SH3BP5: variants seen among roughly 807,000 people sequenced by gnomAD.
SH3BP5 encodes the protein SH3 domain binding protein 5.
SH3BP5 carries 22 observed loss-of-function variants against 43.3 expected under a neutral mutation model. That is an observed-to-expected ratio of 0.51 (90% CI 0.36 to 0.73). The LOEUF (loss-of-function observed/expected upper bound fraction) is 0.73. Ranked by LOEUF, SH3BP5 falls within the 30% of genes least tolerant of loss-of-function variation. The pLI is 0.00. For synonymous variants in SH3BP5, 255 were observed against 225.8 expected, an observed-to-expected ratio of 1.13 and a Z score of -1.16; for missense variants, 529 against 586.9, an observed-to-expected ratio of 0.90 and a Z score of 1.02.
intron 3 of SH3BP5, among the ~76,000 whole-genome samples, chr3:15,298,353 C>A (rs1697634969): frequency 6.6e-6 from 1 of 152,218 alleles, no homozygotes; most frequent in Admixed American, 6.5e-5. Flanking sequence ...GGTGAGCCTA[C>A]AAGTCACTCT....
chr3:15,265,499 G>C (rs1696601178), intron 4 of SH3BP5, among the ~76,000 whole-genome samples: 1 of 101,556 alleles, frequency 9.8e-6, no homozygotes, highest in Non-Finnish European at 1.9e-5. Context: ...CTGAGCTACA[G>C]GGCGAGACTC....
intron 4 of SH3BP5, among the ~76,000 whole-genome samples, chr3:15,262,524 G>A (rs542885266): frequency 6.6e-6 from 1 of 152,268 alleles, no homozygotes; most frequent in East Asian, 1.9e-4. Context: ...GGGCCTGGTG[G>A]TGTGCTCCTG....
chr3:15,332,567 C>A lies in SH3BP5; in HGVS notation c.-159G>T. 1.6e-6 allele frequency: 2 copies of A among 1,227,874 alleles called. No individual in the cohort carries two copies. The highest frequency in any genetic ancestry group is 1.6e-5 in the African/African-American group (1 of 63,330). The allele number at this position is 1,227,874 out of a possible 1,614,324, so 76.1% of individuals were successfully genotyped here. On this transcript the variant is annotated 5_prime_UTR_variant, in exon 1 of 9. Coordinates refer to ENST00000383791, the MANE Select transcript of SH3BP5 (RefSeq NM_004844.5). ...ACGCAGCTCGCCGATGCGGATACCT[C>A]CGGCCGCGGCGGAGCAGAGGAAATG...
chr3:15,280,381 G>GA (rs1697090180), intron 3 of SH3BP5, among the ~76,000 whole-genome samples: 1 of 151,900 alleles, frequency 6.6e-6, no homozygotes, highest in East Asian at 1.9e-4. Flanking sequence ...TACCCAAAAG[G>GA]AAAAAAACCC....
At position 15,258,356 on chromosome 3, in the gene SH3BP5, CAG is replaced by C. The variant is rs553370073; in HGVS notation, c.889+473_889+474del. 1.9e-3 allele frequency among the ~76,000 whole-genome samples: 291 copies of C among 152,158 alleles called. 4 individuals are homozygous for C. Among genetic ancestry groups the C allele is most frequent in the Non-Finnish European group, 1.2e-3 (83 of 67,994 alleles). On this transcript the variant is annotated intron_variant, in intron 7 of 8. Transcript: ENST00000383791. Reference sequence around the variant, plus strand: ...CATTTGCTGAGTGCTTCTTGGGTGTCAGGGGTTGATTCATGTAAGCTGAACCA... The same window carrying C: ...CATTTGCTGAGTGCTTCTTGGGTGTCGGGTTGATTCATGTAAGCTGAACCA...
chr3:15,326,884 G>C (rs1698476024), intron 2 of SH3BP5, among the ~76,000 whole-genome samples: 1 of 152,170 alleles, frequency 6.6e-6, no homozygotes, highest in Non-Finnish European at 1.5e-5. Flanking sequence ...GAGTGGCCCT[G>C]AGTTCAATGC....
At chr3:15,322,668 T>A in intron 2 of SH3BP5, among the ~76,000 whole-genome samples, 2 of 151,912 alleles carry the variant, frequency 1.3e-5, no homozygotes, top group East Asian at 3.9e-4. Flanking sequence ...AGAGACCCCA[T>A]CTCTACAAAA....
chr3:15,268,416 G>A (rs1331542678), intron 4 of SH3BP5, among the ~76,000 whole-genome samples: 6 of 152,044 alleles, frequency 3.9e-5, no homozygotes, highest in Admixed American at 6.5e-5. Context: ...CCCCGTACCC[G>A]CGCCGTCCAG....
chr3:15,291,331 C>T (rs1697407756), intron 3 of SH3BP5, among the ~76,000 whole-genome samples: 2 of 152,194 alleles, frequency 1.3e-5, no homozygotes, highest in Admixed American at 1.3e-4. Flanking sequence ...GACAGGGCAG[C>T]TGACCCCAAA....
rs187107167 is a variant in SH3BP5 at position 15,254,511 on chromosome 3, C to T, written c.*1575G>A. 36 of 152,270 alleles carry T rather than the reference C, an allele frequency of 2.4e-4. No homozygotes were observed. Among genetic ancestry groups the T allele is most frequent in the African/African-American group, 8.2e-4 (34 of 41,544 alleles). The allele number at this position is 152,270 out of a possible 1,614,324, so 9.4% of individuals were successfully genotyped here. ...AAAGTCTAATGCCCCAGTGTACCCC[C>T]CCCAGTTAATTAATTAAATAATTCT... is the stretch of plus-strand genomic sequence containing the variant. On this transcript the variant is annotated 3_prime_UTR_variant, in exon 9 of 9. Transcript: ENST00000383791.
chr3:15,339,647 T>A (rs1008762579), intron 1 of SH3BP5: 2 of 151,866 alleles, frequency 1.3e-5, no homozygotes, highest in African/African-American at 4.8e-5. Context: ...GAGGCGGAGG[T>A]TGCAGTGAGC....
intron 2 of SH3BP5, among the ~76,000 whole-genome samples, chr3:15,314,354 A>G (rs957150642): frequency 5.3e-5 from 8 of 152,032 alleles, no homozygotes; most frequent in Admixed American, 4.6e-4. Flanking sequence ...TGGGGGCCTC[A>G]GGATGCCTTC....
chr3:15,306,751 C>G (rs879325163), intron 2 of SH3BP5, among the ~76,000 whole-genome samples: 2 of 152,154 alleles, frequency 1.3e-5, no homozygotes, highest in Non-Finnish European at 2.9e-5. Context: ...TCACTGTAAC[C>G]TCTGCCTCCC....
intron 7 of SH3BP5, 157 bp downstream of exon 7, chr3:15,258,674 C>T: frequency 4.8e-6 from 3 of 621,112 alleles, no homozygotes; most frequent in South Asian, 2.0e-5. Context: ...TCTTAATGAA[C>T]ACAGTGTTCC....
intron 2 of SH3BP5, among the ~76,000 whole-genome samples, chr3:15,316,310 C>T (rs1284381285): frequency 4.7e-5 from 7 of 149,074 alleles, no homozygotes; most frequent in African/African-American, 9.9e-5. Context: ...CTGCAACCTC[C>T]GCCTCCCGGG....
At chr3:15,295,028 T>G (rs1042825873) in intron 3 of SH3BP5, among the ~76,000 whole-genome samples, 1 of 152,082 alleles carries the variant, frequency 6.6e-6, no homozygotes, top group Non-Finnish European at 1.5e-5. Flanking sequence ...GTGTGCACAG[T>G]GTGTCCTTCC....
At chr3:15,290,391 T>C (rs371880145) in intron 3 of SH3BP5, among the ~76,000 whole-genome samples, 1 of 152,112 alleles carries the variant, frequency 6.6e-6, no homozygotes, top group Middle Eastern at 3.4e-3. Context: ...CTGGGCATGG[T>C]GGCTCACGTC....
At chr3:15,335,390 AAAAG>A (rs1698689471), upstream of SH3BP5, among the ~76,000 whole-genome samples, 1 of 152,010 alleles carries the variant, frequency 6.6e-6, no homozygotes, top group Non-Finnish European at 1.5e-5. Context: ...AAAAAAAGAA[AAAAG>A]AAACACCTCA....
intron 5 of SH3BP5, among the ~76,000 whole-genome samples, chr3:15,261,917 C>A (rs887338661): frequency 1.3e-5 from 2 of 152,120 alleles, no homozygotes; most frequent in African/African-American, 4.8e-5. Context: ...TTTGAAATTC[C>A]TTTTTCTGTG....
Sources: gnomAD v4.1 joint callset for allele counts (sites outside exome capture counted in the v4.1 genomes callset) on GRCh38, gnomAD v4.1.1 for gene constraint, MANE v1.5 for transcripts, NCBI Gene and HGNC (gene_info 2026-07-23, HGNC 2026-07-21) for gene names.